CKAP5: variants seen among roughly 807,000 people sequenced by gnomAD.
CKAP5 encodes cytoskeleton associated protein 5, also known as cytoskeleton-associated protein 5.
CKAP5 carries 27 observed loss-of-function variants against 232.8 expected under a neutral mutation model. The observed-to-expected ratio is 0.12, with a 90% CI of 0.09 to 0.16. The LOEUF is 0.16. Among genes scored for constraint, CKAP5 ranks in the 10% least tolerant of loss-of-function variants. The pLI, the probability that CKAP5 is intolerant of heterozygous loss-of-function variation, is 1.00. For missense variants in CKAP5, 1,838 were observed against 2,424.7 expected, an observed-to-expected ratio of 0.76 and a Z score of 5.08; for synonymous variants, 785 against 841.1, an observed-to-expected ratio of 0.93 and a Z score of 1.16.
In CKAP5 at chr11:46,746,819, T is replaced by G. The variant is rs567896978; in HGVS notation, c.5705-2242A>C. On this transcript the variant is annotated intron_variant, in intron 42 of 43. Transcript: ENST00000529230. ...TGACATTATGACAGCTATGGTATCA[T>G]CAGGTGATAGCAATTTTTCAGCTCC... Among the ~76,000 whole-genome samples the G allele has an allele frequency of 3.3e-5, 5 of 152,322 alleles. No individual in the cohort carries two copies. In the South Asian group the frequency reaches 1.0e-3, roughly 32 times the overall value.
At chr11:46,821,013 G>T in intron 2 of CKAP5, 162 bp downstream of exon 2, 1 of 549,684 alleles carries the variant, frequency 1.8e-6, no homozygotes, top group Non-Finnish European at 3.2e-6. Context: ...TTTTAGTTGA[G>T]CTACAGAAAC....
chr11:46,750,754 G>A, intron 40 of CKAP5, 143 bp from the exon 41 acceptor site: 1 of 662,180 alleles, frequency 1.5e-6, no homozygotes, highest in Non-Finnish European at 2.6e-6. Context: ...CGATGATGCA[G>A]GTCTTGCAGC....
intron 35 of CKAP5, among the ~76,000 whole-genome samples, chr11:46,755,762 C>G (rs1202200755): frequency 6.6e-6 from 1 of 151,726 alleles, no homozygotes; most frequent in Non-Finnish European, 1.5e-5. Flanking sequence ...AACCCCATCT[C>G]TACCAAAAAT....
intron 13 of CKAP5, among the ~76,000 whole-genome samples, chr11:46,791,334 T>G (rs1156996788): frequency 1.3e-5 from 2 of 151,606 alleles, no homozygotes; most frequent in African/African-American, 4.8e-5. Context: ...ACTATAGCCT[T>G]GACCTCCTGG....
chr11:46,826,970 C>A (rs940991391), intron 1 of CKAP5: 5 of 152,760 alleles, frequency 3.3e-5, no homozygotes, highest in African/African-American at 1.2e-4. Context: ...CTTAAAGGGG[C>A]CGCAGTGTAT....
At chr11:46,834,406 C>T (rs961984221) in intron 1 of CKAP5, among the ~76,000 whole-genome samples, 3 of 151,258 alleles carry the variant, frequency 2.0e-5, no homozygotes, top group Non-Finnish European at 4.4e-5. Flanking sequence ...GCAGTCCCAG[C>T]TACTGAGAAG....
rs2065165578 is a variant in CKAP5, at chr11:46,762,612, A to T, written c.4027+15T>A. On this transcript the variant is annotated intron_variant, in intron 31 of 43. Coordinates refer to ENST00000529230, the MANE Select transcript of CKAP5 (RefSeq NM_001008938.4). ...CTGCAGAGATTCACATCTCAGTTTA[A>T]ACTGTTTGCTTCACCTGCTCTCTGC... The T allele has an allele frequency of 6.2e-7, 1 of 1,613,788 alleles. No homozygotes were observed. Among genetic ancestry groups the T allele is most frequent in the South Asian group, 1.1e-5 (1 of 91,016 alleles).
intron 8 of CKAP5, among the ~76,000 whole-genome samples, chr11:46,802,936 A>G (rs1430209496): frequency 6.6e-6 from 1 of 152,012 alleles, no homozygotes. Context: ...TTTCACCCAA[A>G]CCCTATGAGG....
intron 36 of CKAP5, among the ~76,000 whole-genome samples, chr11:46,753,714 G>A (rs950229008): frequency 6.6e-6 from 1 of 151,760 alleles, no homozygotes; most frequent in Admixed American, 6.6e-5. Context: ...AGTCTCCCGA[G>A]TAGCTGGGAC....
chr11:46,821,034 T>C (rs936973429), intron 2 of CKAP5, 141 bp downstream of exon 2: 42 of 585,528 alleles, frequency 7.2e-5, no homozygotes, highest in Middle Eastern at 2.7e-4. Flanking sequence ...CTATTTTCAA[T>C]GAGAAAAAAT....
At chr11:46,749,631 A>C (rs1198265738) in intron 42 of CKAP5, among the ~76,000 whole-genome samples, 1 of 151,900 alleles carries the variant, frequency 6.6e-6, no homozygotes, top group Admixed American at 6.6e-5. Context: ...ACAACCATAG[A>C]CTGAACCCTG....
At chr11:46,767,511 A>G in intron 27 of CKAP5, 64 bp downstream of exon 27, 6 of 983,980 alleles carry the variant, frequency 6.1e-6, no homozygotes, top group Non-Finnish European at 7.9e-6. Context: ...TCCTAATAGA[A>G]TGACTCAGTA....
At chr11:46,768,148 G>A (rs1398237850) in intron 26 of CKAP5, among the ~76,000 whole-genome samples, 1 of 152,020 alleles carries the variant, frequency 6.6e-6, no homozygotes, top group Non-Finnish European at 1.5e-5. Context: ...GCGTAAGAGA[G>A]AAATTAATTC....
intron 24 of CKAP5, among the ~76,000 whole-genome samples, chr11:46,773,932 G>A (rs1028878555): frequency 6.6e-6 from 1 of 152,088 alleles, no homozygotes; most frequent in African/African-American, 2.4e-5. Context: ...ATGGGCAAAA[G>A]CTGGAAGGAT....
In CKAP5 at chr11:46,778,520, C is replaced by T. The variant is rs1417656184; in HGVS notation, c.2513G>A (p.Gly838Glu). 1 of 1,613,996 alleles carries T rather than the reference C, an allele frequency of 6.2e-7. No individual in the cohort carries two copies. Among genetic ancestry groups the T allele is most frequent in the Non-Finnish European group, 8.5e-7 (1 of 1,180,004 alleles). Residue 838 changes from glycine to glutamate, a missense_variant, in exon 21 of 44, where the codon GGA (glycine) becomes GAA (glutamate). This residue lies in a region of CKAP5 where 767 missense variants were observed against 954.6 expected (regional missense o/e 0.80). Transcript: ENST00000529230. ...ATTGCTCCCGTCATCTGGTTCATCTCCATCTTCTCCTTCATCTGTACCACT... is the reference window on the plus strand; with the variant it reads ...ATTGCTCCCGTCATCTGGTTCATCTTCATCTTCTCCTTCATCTGTACCACT... ...STSGTDEGED[G>E]DEPDDGSNDV...
rs114576332 is a variant in CKAP5 at position 46,791,258 on chromosome 11, T to G, written c.1651-675A>C. Among the ~76,000 whole-genome samples the G allele has an allele frequency of 9.5e-3, 1,236 of 129,762 alleles. 21 individuals carry two copies. The highest frequency in any genetic ancestry group is 0.03 in the African/African-American group (1,196 of 39,400). 85.1% of individuals were successfully genotyped at this position (129,762 alleles called of 152,430 possible). ...ACATTTATTTGGGTTTTTTTTTTTTTTTGTTTTCTGAGACAGGGTCTTGCT... is the reference window on the plus strand; with the variant it reads ...ACATTTATTTGGGTTTTTTTTTTTTGTTGTTTTCTGAGACAGGGTCTTGCT... On this transcript the variant is annotated intron_variant, in intron 13 of 43. Transcript: ENST00000529230.
At position 46,809,770 on chromosome 11, in the gene CKAP5, T is replaced by C. The variant is rs781016109; in HGVS notation, c.735A>G (p.Gln245=). 14 of 1,614,112 alleles carry C rather than the reference T, an allele frequency of 8.7e-6. No individual in the cohort carries two copies. In the South Asian group the frequency reaches 9.9e-5, roughly 11 times the overall value. The change falls in exon 6 of 44, where the codon CAA becomes CAG. Residue 245 remains glutamine, a synonymous_variant. Coordinates refer to ENST00000529230, the MANE Select transcript of CKAP5 (RefSeq NM_001008938.4). The stretch of plus-strand genomic sequence containing the variant: ...CTTCAGCATCTCCACCAGCAGACTG[T>C]TGTTGTTCCAATTTAGCTTCTAGTT... ...QQELEAKLEQ[Q]QSAGGDAEGG... is the part of the protein sequence containing the mutation.
chr11:46,762,299 A>G, intron 31 of CKAP5, 106 bp from the exon 32 acceptor site: 1 of 1,169,670 alleles, frequency 8.5e-7, no homozygotes. Flanking sequence ...CTAAAACCTT[A>G]CTCTGGCTCT....
intron 8 of CKAP5, among the ~76,000 whole-genome samples, chr11:46,802,561 C>CAT (rs370152798): frequency 0.046 from 4,018 of 87,596 alleles, 76 homozygotes; most frequent in Non-Finnish European, 0.083. Flanking sequence ...CAGACAGACA[C>CAT]ACACACACAC....
Sources: allele counts gnomAD v4.1 joint callset (sites outside exome capture counted in the v4.1 genomes callset), GRCh38; gene constraint gnomAD v4.1.1; regional missense constraint gnomAD v4.1.1; transcripts MANE v1.5; gene names NCBI Gene and HGNC (gene_info 2026-07-23, HGNC 2026-07-21).